SYNPO2: variants seen among roughly 807,000 people sequenced by gnomAD.
The protein encoded by SYNPO2 is synaptopodin 2.
A neutral mutation model predicts 85.0 loss-of-function variants in SYNPO2; 56 were observed. The ratio of observed to expected loss-of-function variants is 0.66; its 90% CI spans 0.53 to 0.82. The LOEUF is 0.82. Ranked by LOEUF, SYNPO2 falls within the 40% of genes least tolerant of loss-of-function variation. SYNPO2 has a pLI of 0.00. For missense variants in SYNPO2, 1,575 were observed against 1,534.2 expected (o/e 1.03, Z -0.44); for synonymous variants, 602 against 591.1 (o/e 1.02, Z -0.27).
intron 1 of SYNPO2, among the ~76,000 whole-genome samples, chr4:118,975,386 G>A (rs1250967679): frequency 1.3e-5 from 2 of 152,154 alleles, no homozygotes; most frequent in African/African-American, 4.8e-5. Flanking sequence ...TTCAGAAAAA[G>A]CCAAGCTTTA....
At position 119,035,048 on chromosome 4, in the gene SYNPO2, G is replaced by T. The variant is rs534484164; in HGVS notation, c.3252+3021G>T. Reference sequence around the variant, plus strand: ...GTCGGTTTTCATTGCCAGCTCAAGAGCGACAATCATTTACGAGTTCCTATG... The same window carrying T: ...GTCGGTTTTCATTGCCAGCTCAAGATCGACAATCATTTACGAGTTCCTATG... On this transcript the variant is annotated intron_variant, in intron 4 of 4. Transcript: ENST00000307142. 1.5e-5 allele frequency: 15 copies of T among 985,472 alleles called. No individual in the cohort carries two copies. In the East Asian group the frequency reaches 1.5e-3, roughly 97 times the overall value. 61.0% of individuals were successfully genotyped at this position (985,472 alleles called of 1,614,324 possible).
chr4:119,054,670 G>T (rs185890204), intron 4 of SYNPO2, among the ~76,000 whole-genome samples: 1 of 152,138 alleles, frequency 6.6e-6, no homozygotes, highest in Non-Finnish European at 1.5e-5. Context: ...ATAGGCACAC[G>T]GTGTGGGTGG....
At chr4:118,911,135 A>C (rs1733122184) in intron 1 of SYNPO2, among the ~76,000 whole-genome samples, 1 of 152,160 alleles carries the variant, frequency 6.6e-6, no homozygotes, top group African/African-American at 2.4e-5. Flanking sequence ...GGATTTTCCT[A>C]TTTATTGTCT....
chr4:118,909,255 A>G (rs1438651933), intron 1 of SYNPO2, among the ~76,000 whole-genome samples: 5 of 152,218 alleles, frequency 3.3e-5, no homozygotes, highest in Non-Finnish European at 7.3e-5. Flanking sequence ...ATGAGAACTG[A>G]CATACACGTA....
intron 1 of SYNPO2, among the ~76,000 whole-genome samples, chr4:118,975,177 C>T (rs899390300): frequency 1.3e-5 from 2 of 152,184 alleles, no homozygotes; most frequent in Non-Finnish European, 2.9e-5. Flanking sequence ...TCATACTTAT[C>T]TTATGGGCCA....
intron 1 of SYNPO2, among the ~76,000 whole-genome samples, chr4:119,021,656 G>A (rs959117375): frequency 1.3e-5 from 2 of 152,158 alleles, no homozygotes; most frequent in South Asian, 2.1e-4. Flanking sequence ...TCAATATAAT[G>A]CAATGCAGAG....
At chr4:118,884,257 A>AT (rs1175378829), upstream of SYNPO2, among the ~76,000 whole-genome samples, 1 of 152,226 alleles carries the variant, frequency 6.6e-6, no homozygotes, top group Non-Finnish European at 1.5e-5. Context: ...AGAAAGACAT[A>AT]TAGAAGCACT....
At chr4:118,919,835 C>T (rs1159897866) in intron 1 of SYNPO2, among the ~76,000 whole-genome samples, 1 of 152,202 alleles carries the variant, frequency 6.6e-6, no homozygotes, top group Non-Finnish European at 1.5e-5. Context: ...ACCAGAGGCT[C>T]ACTATGCAGC....
At chr4:118,854,983 C>T (rs1036745587) in intron 1 of SYNPO2, among the ~76,000 whole-genome samples, 1 of 152,030 alleles carries the variant, frequency 6.6e-6, no homozygotes, top group African/African-American at 2.4e-5. Flanking sequence ...ATGATAATAT[C>T]AAACTCACTT....
chr4:118,984,029 C>T (rs1013028119), intron 1 of SYNPO2, among the ~76,000 whole-genome samples: 2 of 152,154 alleles, frequency 1.3e-5, no homozygotes, highest in Non-Finnish European at 2.9e-5. Context: ...TTTTCAGAAT[C>T]CCCCTTCTAC....
rs114377831 is a variant in SYNPO2, at chr4:118,924,276, G to A, written c.105+35135G>A. On this transcript the variant is annotated intron_variant, in intron 1 of 4. Coordinates refer to ENST00000307142, the MANE Select transcript of SYNPO2 (RefSeq NM_133477.3). ...AATCCTTTGCCCATTTTTCCTGAAC[G>A]TGGGAATCTACAATTGGCCGGAAAG... 4.4e-3 allele frequency among the ~76,000 whole-genome samples: 672 copies of A among 152,230 alleles called. 8 individuals are homozygous for A. The highest frequency in any genetic ancestry group is 0.015 in the African/African-American group (625 of 41,544).
intron 1 of SYNPO2, among the ~76,000 whole-genome samples, chr4:118,981,614 G>C (rs1446053357): frequency 6.6e-6 from 1 of 152,086 alleles, no homozygotes; most frequent in Non-Finnish European, 1.5e-5. Flanking sequence ...TTCTGATTAG[G>C]GGGTTGCCCT....
intron 1 of SYNPO2, among the ~76,000 whole-genome samples, chr4:118,872,612 AC>A (rs1263281765): frequency 1.3e-5 from 2 of 152,198 alleles, no homozygotes; most frequent in Admixed American, 1.3e-4. Flanking sequence ...CATAAGAAAA[AC>A]TTAAAGACCA....
chr4:118,868,897 TGGACAGAGG>T (rs1357396159), intron 1 of SYNPO2, among the ~76,000 whole-genome samples: 1 of 152,152 alleles, frequency 6.6e-6, no homozygotes, highest in African/African-American at 2.4e-5. Context: ...GCCACTGATG[TGGACAGAGG>T]GGCTTAAGAG....
At chr4:118,979,019 A>T (rs59089242) in intron 1 of SYNPO2, among the ~76,000 whole-genome samples, 46,696 of 152,004 alleles carry the variant, frequency 0.31, 7,454 homozygotes, top group East Asian at 0.43. Context: ...TTATTGTTTA[A>T]CACCTGTACT....
At chr4:118,953,273 G>A (rs74798237) in intron 1 of SYNPO2, among the ~76,000 whole-genome samples, 4,436 of 152,210 alleles carry the variant, frequency 0.029, 86 homozygotes, top group Non-Finnish European at 0.037. Context: ...CTAATTTGAC[G>A]CTTTTAATGA....
intron 1 of SYNPO2, among the ~76,000 whole-genome samples, chr4:118,872,956 A>G (rs1275384113): frequency 6.6e-6 from 1 of 152,156 alleles, no homozygotes; most frequent in African/African-American, 2.4e-5. Context: ...TTCACTTGAG[A>G]TAATGGCCTC....
At chr4:119,033,422 A>T (rs544883914) in intron 4 of SYNPO2, 1 of 985,460 alleles carries the variant, frequency 1.0e-6, no homozygotes, top group East Asian at 1.1e-4. Flanking sequence ...CTATGAAGTG[A>T]ATAATGGTAC....
chr4:119,038,260 A>G (rs1057226570), intron 4 of SYNPO2: 5 of 985,260 alleles, frequency 5.1e-6, no homozygotes, highest in South Asian at 4.7e-5. Flanking sequence ...ACCACATTCA[A>G]TGACATTAGG....
Sources: allele counts gnomAD v4.1 joint callset (sites outside exome capture counted in the v4.1 genomes callset), GRCh38; gene constraint gnomAD v4.1.1; transcripts MANE v1.5; gene names NCBI Gene and HGNC (gene_info 2026-07-23, HGNC 2026-07-21).